GTF2E2: variants seen among roughly 807,000 people sequenced by gnomAD.
GTF2E2 encodes general transcription factor IIE subunit 2.
In GTF2E2, 21 loss-of-function variants were observed where a neutral mutation model predicts 40.5. The observed-to-expected ratio is 0.52, with a 90% CI of 0.37 to 0.75. The LOEUF is 0.75. GTF2E2 is among the 30% of genes least tolerant of loss of function. The pLI is 0.00. For missense variants in GTF2E2, 298 were observed against 338.4 expected (o/e 0.88, Z 0.94); for synonymous variants, 117 against 121.6 (o/e 0.96, Z 0.25).
intron 2 of GTF2E2, among the ~76,000 whole-genome samples, chr8:30,637,472 T>G (rs1318458257): frequency 1.3e-5 from 2 of 152,212 alleles, no homozygotes; most frequent in Admixed American, 6.5e-5. Context: ...ATGCATTCCT[T>G]TATGGCCCCA....
intron 2 of GTF2E2, among the ~76,000 whole-genome samples, chr8:30,635,917 A>G (rs1239102961): frequency 6.6e-6 from 1 of 152,236 alleles, no homozygotes; most frequent in Non-Finnish European, 1.5e-5. Flanking sequence ...TAGAAAAAAG[A>G]TATCACAATT....
At chr8:30,616,549 TACTC>T (rs1190765157) in intron 3 of GTF2E2, among the ~76,000 whole-genome samples, 3 of 151,920 alleles carry the variant, frequency 2.0e-5, no homozygotes, top group African/African-American at 7.3e-5. Flanking sequence ...GCAGTGAAAA[TACTC>T]AGGAGGATAC....
At chr8:30,637,421 T>C in intron 2 of GTF2E2, 1 of 388,050 alleles carries the variant, frequency 2.6e-6, no homozygotes, top group East Asian at 7.2e-5. Context: ...AAACACTCAA[T>C]AAATATTTGT....
chr8:30,602,334 C>T (rs761013616), intron 6 of GTF2E2, among the ~76,000 whole-genome samples: 5 of 151,872 alleles, frequency 3.3e-5, no homozygotes, highest in African/African-American at 1.2e-4. Context: ...AATTTTTAAA[C>T]CATAAAAAAT....
At chr8:30,623,058 G>A (rs1015242960) in intron 3 of GTF2E2, among the ~76,000 whole-genome samples, 7 of 152,072 alleles carry the variant, frequency 4.6e-5, no homozygotes, top group African/African-American at 7.3e-5. Flanking sequence ...GGTATTGACT[G>A]GGGAAGTGAT....
At chr8:30,596,808 G>A (rs1202638517) in intron 6 of GTF2E2, 1 of 152,238 alleles carries the variant, frequency 6.6e-6, no homozygotes. Context: ...AGTGTGTGGA[G>A]GTTGAGTCAA....
At chr8:30,608,951 A>T (rs1829401776) in intron 5 of GTF2E2, among the ~76,000 whole-genome samples, 1 of 151,850 alleles carries the variant, frequency 6.6e-6, no homozygotes, top group Non-Finnish European at 1.5e-5. Context: ...GCGTTTCACC[A>T]TGTTAGCCAG....
At chr8:30,597,168 C>G (rs1829033515) in intron 6 of GTF2E2, 1 of 152,408 alleles carries the variant, frequency 6.6e-6, no homozygotes, top group African/African-American at 2.4e-5. Context: ...CCTGCCCTTT[C>G]TCCTCCACTA....
intron 6 of GTF2E2, among the ~76,000 whole-genome samples, chr8:30,605,315 G>A (rs1316327936): frequency 1.3e-5 from 2 of 152,076 alleles, no homozygotes; most frequent in Non-Finnish European, 2.9e-5. Context: ...GAGAGAGATA[G>A]GTATAGGAAA....
At chr8:30,614,447 G>C (rs972870606) in intron 4 of GTF2E2, among the ~76,000 whole-genome samples, 161 bp downstream of exon 4, 4 of 152,186 alleles carry the variant, frequency 2.6e-5, no homozygotes, top group African/African-American at 9.6e-5. Flanking sequence ...TGGTATCGTG[G>C]CACATGCCTG....
chr8:30,607,015 G>T, intron 6 of GTF2E2, 42 bp downstream of exon 6: 1 of 720,364 alleles, frequency 1.4e-6, no homozygotes, highest in South Asian at 1.9e-5. Context: ...CCCTAAAATT[G>T]TAATATACTT....
At chr8:30,599,059 C>T (rs1222252971) in intron 6 of GTF2E2, among the ~76,000 whole-genome samples, 1 of 152,152 alleles carries the variant, frequency 6.6e-6, no homozygotes, top group African/African-American at 2.4e-5. Flanking sequence ...GCAAAGTCAA[C>T]TAAAAACACC....
In GTF2E2 at chr8:30,658,195, G is replaced by A. The variant is rs1802511371; in HGVS notation, c.-227C>T. 2 of 188,200 alleles carry A rather than the reference G, an allele frequency of 1.1e-5. No homozygotes were observed. The highest frequency in any genetic ancestry group is 1.6e-4 in the South Asian group (2 of 12,182). The allele number at this position is 188,200 out of a possible 1,614,324, so 11.7% of individuals were successfully genotyped here. On this transcript the variant is annotated 5_prime_UTR_variant, in exon 1 of 8. Transcript: ENST00000355904. ...TAGCTGAGGCGGCGACTGGACCCGG[G>A]ACTCCGCCCGCCACTTCCCGATCGG...
intron 2 of GTF2E2, among the ~76,000 whole-genome samples, chr8:30,652,119 T>C (rs540998798): frequency 3.3e-5 from 5 of 152,192 alleles, no homozygotes; most frequent in African/African-American, 1.2e-4. Context: ...ACAAAACTCT[T>C]AGAGGAAAAC....
At chr8:30,620,786 A>T (rs1222094839) in intron 3 of GTF2E2, among the ~76,000 whole-genome samples, 2 of 151,880 alleles carry the variant, frequency 1.3e-5, no homozygotes, top group Non-Finnish European at 2.9e-5. Flanking sequence ...AAAATTAGCC[A>T]GGCATGGTGG....
At chr8:30,652,442 C>T (rs1802313069) in intron 2 of GTF2E2, among the ~76,000 whole-genome samples, 1 of 151,458 alleles carries the variant, frequency 6.6e-6, no homozygotes, top group Non-Finnish European at 1.5e-5. Flanking sequence ...AAGGAATACA[C>T]ATGGTCAATA....
chr8:30,594,789 G>T (rs1828952744), intron 6 of GTF2E2, among the ~76,000 whole-genome samples: 1 of 150,906 alleles, frequency 6.6e-6, no homozygotes, highest in Non-Finnish European at 1.5e-5. Context: ...CCCAGTAGGT[G>T]GAGGTTGCGG....
chr8:30,611,558 C>T (rs1164456728), intron 5 of GTF2E2, among the ~76,000 whole-genome samples: 1 of 151,966 alleles, frequency 6.6e-6, no homozygotes, highest in East Asian at 1.9e-4. Context: ...AAAAATTCAC[C>T]AACTGGGCTT....
At chr8:30,653,855 G>A (rs1294538749) in intron 1 of GTF2E2, among the ~76,000 whole-genome samples, 3 of 152,128 alleles carry the variant, frequency 2.0e-5, no homozygotes, top group Non-Finnish European at 4.4e-5. Flanking sequence ...TTGGGAAGCC[G>A]AGGTGGGCAG....
Sources: allele counts gnomAD v4.1 joint callset (sites outside exome capture counted in the v4.1 genomes callset), GRCh38; gene constraint gnomAD v4.1.1; transcripts MANE v1.5; gene names NCBI Gene and HGNC (gene_info 2026-07-23, HGNC 2026-07-21).